The following ALCAM variants were observed in gnomAD, a reference collection of about 807,000 sequenced individuals.
ALCAM encodes the protein activated leukocyte cell adhesion molecule.
ALCAM carries 30 observed loss-of-function variants against 70.9 expected under a neutral mutation model. That is an observed-to-expected ratio of 0.42 (90% CI 0.32 to 0.57). The LOEUF (loss-of-function observed/expected upper bound fraction) is 0.57, where lower values mean the gene tolerates loss of function less well. Ranked by LOEUF, ALCAM falls within the 20% of genes least tolerant of loss-of-function variation. The pLI, the probability that ALCAM is intolerant of heterozygous loss-of-function variation, is 0.11. For synonymous variants in ALCAM, 249 were observed against 242.5 expected (o/e 1.03, Z -0.25); for missense variants, 591 against 695.1 (o/e 0.85, Z 1.68).
chr3:105,433,764 G>A (rs913679269), intron 1 of ALCAM, among the ~76,000 whole-genome samples: 12 of 149,454 alleles, frequency 8.0e-5, no homozygotes, highest in African/African-American at 3.0e-4. Context: ...ATCACCTTAA[G>A]AAATATATGC....
chr3:105,480,953 G>T (rs1938253709), intron 1 of ALCAM, among the ~76,000 whole-genome samples: 1 of 152,058 alleles, frequency 6.6e-6, no homozygotes, highest in Admixed American at 6.5e-5. Flanking sequence ...CCTGTTGTCT[G>T]ATTGATGAGA....
intron 3 of ALCAM, among the ~76,000 whole-genome samples, chr3:105,527,467 C>T (rs1449374258): frequency 1.3e-5 from 2 of 152,056 alleles, no homozygotes; most frequent in African/African-American, 4.8e-5. Flanking sequence ...GAGGTTTTCC[C>T]ATTCTGATGC....
At chr3:105,534,346 C>T (rs1939916556) in intron 5 of ALCAM, among the ~76,000 whole-genome samples, 1 of 152,088 alleles carries the variant, frequency 6.6e-6, no homozygotes, top group African/African-American at 2.4e-5. Flanking sequence ...TAAGTATGTA[C>T]TAAATTAATA....
chr3:105,499,361 C>CA (rs1938856118), intron 1 of ALCAM, among the ~76,000 whole-genome samples: 1 of 151,924 alleles, frequency 6.6e-6, no homozygotes, highest in Non-Finnish European at 1.5e-5. Flanking sequence ...TAAATTGTAG[C>CA]AAAAAAGGAA....
chr3:105,414,848 A>C (rs1026790456), intron 1 of ALCAM, among the ~76,000 whole-genome samples: 2 of 152,040 alleles, frequency 1.3e-5, no homozygotes. Flanking sequence ...AAATGAAAAA[A>C]CCCAATTTTT....
In ALCAM at chr3:105,569,072, T is replaced by G. The variant is rs375451745; in HGVS notation, c.1665-2780T>G. 2.1e-3 allele frequency among the ~76,000 whole-genome samples: 321 copies of G among 152,266 alleles called. 1 individual carries two copies. The highest frequency in any genetic ancestry group is 7.1e-3 in the African/African-American group (297 of 41,560). On this transcript the variant is annotated intron_variant, in intron 14 of 15. Transcript: ENST00000306107. ...TGTCCTGATGTATTACATTGTTGTTTTTTTTTTAATTTTATTTTTTAGGAT... is the reference window on the plus strand; with the variant it reads ...TGTCCTGATGTATTACATTGTTGTTGTTTTTTTAATTTTATTTTTTAGGAT...
At chr3:105,433,620 C>T (rs1326700329) in intron 1 of ALCAM, among the ~76,000 whole-genome samples, 1 of 151,438 alleles carries the variant, frequency 6.6e-6, no homozygotes, top group Non-Finnish European at 1.5e-5. Context: ...AAAAATAGTC[C>T]TCCTGGGTCT....
At chr3:105,488,893 A>G (rs1262917654) in intron 1 of ALCAM, among the ~76,000 whole-genome samples, 1 of 152,220 alleles carries the variant, frequency 6.6e-6, no homozygotes, top group Admixed American at 6.5e-5. Context: ...GATTAGATTG[A>G]ACCTGGATGA....
At chr3:105,527,726 T>C (rs1939740442) in intron 3 of ALCAM, among the ~76,000 whole-genome samples, 1 of 152,112 alleles carries the variant, frequency 6.6e-6, no homozygotes, top group Non-Finnish European at 1.5e-5. Context: ...GTCTGCTCTG[T>C]GGTACATATG....
chr3:105,544,915 A>ATTTT, intron 8 of ALCAM: 1 of 275,466 alleles, frequency 3.6e-6, no homozygotes, highest in Non-Finnish European at 7.1e-6. Flanking sequence ...GTGACTTAAG[A>ATTTT]TTTTTTTTTC....
chr3:105,456,189 C>T (rs1937533596), intron 1 of ALCAM, among the ~76,000 whole-genome samples: 1 of 152,212 alleles, frequency 6.6e-6, no homozygotes, highest in African/African-American at 2.4e-5. Context: ...TAGCCCTGCT[C>T]TCTGCAGGAG....
intron 1 of ALCAM, among the ~76,000 whole-genome samples, chr3:105,488,530 A>G (rs954900063): frequency 6.6e-6 from 1 of 152,196 alleles, no homozygotes; most frequent in East Asian, 1.9e-4. Flanking sequence ...AATCTAAAGA[A>G]GAATAAATCT....
chr3:105,405,294 A>C (rs987444266), intron 1 of ALCAM, among the ~76,000 whole-genome samples: 4 of 140,462 alleles, frequency 2.8e-5, no homozygotes, highest in Non-Finnish European at 6.4e-5. Flanking sequence ...AAAAAAAAAA[A>C]AAAAAAAAAA....
chr3:105,396,727 G>C (rs1463974345), intron 1 of ALCAM, among the ~76,000 whole-genome samples: 1 of 151,982 alleles, frequency 6.6e-6, no homozygotes, highest in Non-Finnish European at 1.5e-5. Context: ...TATTGGGATG[G>C]TTAACTCTGC....
At chr3:105,549,834 G>A (rs1451724360) in intron 11 of ALCAM, among the ~76,000 whole-genome samples, 1 of 151,280 alleles carries the variant, frequency 6.6e-6, no homozygotes, top group African/African-American at 2.4e-5. Flanking sequence ...TTTGAAACAA[G>A]TATCATCAGG....
chr3:105,546,380 C>T (rs1243958886), intron 9 of ALCAM, among the ~76,000 whole-genome samples: 1 of 151,360 alleles, frequency 6.6e-6, no homozygotes, highest in African/African-American at 2.4e-5. Flanking sequence ...ACACTCGATC[C>T]TCTGCTACTT....
rs950765347 is a variant in ALCAM, at chr3:105,569,328, G to T, written c.1665-2524G>T. Among the ~76,000 whole-genome samples the T allele has an allele frequency of 2.0e-5, 3 of 152,000 alleles. No homozygotes were observed. In the East Asian group the frequency reaches 5.8e-4, roughly 29 times the overall value. Reference sequence around the variant, plus strand: ...GGGGAAGAAAAAAGAGAGGAGAGAAGAGATTTTGGGGATTATGTGGCTTTT... The same window carrying T: ...GGGGAAGAAAAAAGAGAGGAGAGAATAGATTTTGGGGATTATGTGGCTTTT... On this transcript the variant is annotated intron_variant, in intron 14 of 15. Transcript: ENST00000306107.
chr3:105,484,941 CT>C (rs954385948), intron 1 of ALCAM, among the ~76,000 whole-genome samples: 530 of 151,112 alleles, frequency 3.5e-3, no homozygotes, highest in African/African-American at 0.012. Context: ...TGGAAGAATT[CT>C]TTTTTTTTGG....
chr3:105,491,570 A>G (rs1198936908), intron 1 of ALCAM, among the ~76,000 whole-genome samples: 1 of 152,216 alleles, frequency 6.6e-6, no homozygotes, highest in Non-Finnish European at 1.5e-5. Context: ...ACAACACCCA[A>G]GTCACCTCTT....
Sources: gnomAD v4.1 joint callset for allele counts (sites outside exome capture counted in the v4.1 genomes callset) on GRCh38, gnomAD v4.1.1 for gene constraint, MANE v1.5 for transcripts, NCBI Gene and HGNC (gene_info 2026-07-23, HGNC 2026-07-21) for gene names.